Variants in POFUT3 observed in about 807,000 individuals in gnomAD.
The protein encoded by POFUT3 is protein O-fucosyltransferase 3, also known as GDP-fucose protein O-fucosyltransferase 3.
chr8:33,318,734 T>C, the POFUT3 span, among the ~76,000 whole-genome samples: 7,201 of 44,752 alleles, frequency 0.16, 482 homozygotes, highest in East Asian at 0.53. Context: ...ATATATTTTA[T>C]ATATATTTAT....
At chr8:33,335,149 A>ATGTGTG in the POFUT3 span, among the ~76,000 whole-genome samples, 3 of 110,624 alleles carry the variant, frequency 2.7e-5, no homozygotes, top group Admixed American at 8.4e-5. Flanking sequence ...AAAAAGAAAT[A>ATGTGTG]TATGTGTGTG....
the POFUT3 span, among the ~76,000 whole-genome samples, chr8:33,449,884 C>A: frequency 1.3e-5 from 2 of 151,704 alleles, no homozygotes; most frequent in Non-Finnish European, 2.9e-5. Context: ...CTTCAAGGCC[C>A]ACTTCAAATT....
the POFUT3 span, among the ~76,000 whole-genome samples, chr8:33,445,677 T>C: frequency 3.3e-5 from 5 of 152,238 alleles, no homozygotes; most frequent in East Asian, 7.7e-4. Flanking sequence ...AATGTTGAGA[T>C]GGAACTAAAA....
chr8:33,447,757 C>T, the POFUT3 span, among the ~76,000 whole-genome samples: 2 of 152,134 alleles, frequency 1.3e-5, no homozygotes, highest in African/African-American at 4.8e-5. Context: ...CCACATAATC[C>T]TGTGAGTTTC....
chr8:33,359,416 T>C, the POFUT3 span, among the ~76,000 whole-genome samples: 1 of 152,190 alleles, frequency 6.6e-6, no homozygotes, highest in Non-Finnish European at 1.5e-5. Flanking sequence ...ACTAAGATGT[T>C]TGGTGAAGGC....
chr8:33,469,891 G>A, the POFUT3 span, among the ~76,000 whole-genome samples: 1 of 143,362 alleles, frequency 7.0e-6, no homozygotes, highest in Admixed American at 7.4e-5. Flanking sequence ...TGCCTCCCGA[G>A]TTCAGGCGAT....
the POFUT3 span, among the ~76,000 whole-genome samples, chr8:33,316,346 A>C: frequency 6.6e-6 from 1 of 152,074 alleles, no homozygotes; most frequent in African/African-American, 2.4e-5. Flanking sequence ...AAGGGGTAAC[A>C]TCTCCCTGAG....
chr8:33,451,438 A>ATATATGTGCATGTG, the POFUT3 span, among the ~76,000 whole-genome samples: 1 of 152,020 alleles, frequency 6.6e-6, no homozygotes, highest in Non-Finnish European at 1.5e-5. Flanking sequence ...ATACGTGTGT[A>ATATATGTGCATGTG]TATATGTGCA....
chr8:33,459,903 T>C, the POFUT3 span, among the ~76,000 whole-genome samples: 1 of 151,880 alleles, frequency 6.6e-6, no homozygotes, highest in African/African-American at 2.4e-5. Flanking sequence ...CACAAAAAAA[T>C]ACCAAAATGA....
the POFUT3 span, among the ~76,000 whole-genome samples, chr8:33,433,033 A>T: frequency 6.6e-6 from 1 of 152,140 alleles, no homozygotes; most frequent in South Asian, 2.1e-4. Context: ...CAGGAGTTCA[A>T]GACCAGCCTG....
chr8:33,376,086 T>G, the POFUT3 span, among the ~76,000 whole-genome samples: 20 of 151,364 alleles, frequency 1.3e-4, no homozygotes, highest in Admixed American at 5.3e-4. Context: ...AGTTAAATAA[T>G]TAGCTAAATA....
the POFUT3 span, among the ~76,000 whole-genome samples, chr8:33,401,984 C>T: frequency 6.6e-6 from 1 of 152,070 alleles, no homozygotes; most frequent in Non-Finnish European, 1.5e-5. Flanking sequence ...CGAGATCACG[C>T]CACCGCACTC....
the POFUT3 span, among the ~76,000 whole-genome samples, chr8:33,425,899 T>A: frequency 1.4e-3 from 185 of 136,940 alleles, no homozygotes; most frequent in African/African-American, 4.8e-3. Flanking sequence ...CAAAACTCCA[T>A]CTCAAAAAAA....
At chr8:33,323,768 CT>C in the POFUT3 span, among the ~76,000 whole-genome samples, 1 of 152,100 alleles carries the variant, frequency 6.6e-6, no homozygotes, top group African/African-American at 2.4e-5. Flanking sequence ...AGTGAAGTAA[CT>C]TTTTTTACTT....
At chr8:33,326,046 A>G in the POFUT3 span, among the ~76,000 whole-genome samples, 2 of 152,190 alleles carry the variant, frequency 1.3e-5, no homozygotes, top group African/African-American at 4.8e-5. Context: ...TGCTGGAGTC[A>G]GGTCCTCTCT....
At chr8:33,384,904 A>C in the POFUT3 span, among the ~76,000 whole-genome samples, 4 of 152,208 alleles carry the variant, frequency 2.6e-5, no homozygotes, top group Admixed American at 2.0e-4. Context: ...TTGCATGGTG[A>C]GAGAGGTACC....
the POFUT3 span, among the ~76,000 whole-genome samples, chr8:33,347,230 TC>T: frequency 6.6e-6 from 1 of 152,214 alleles, no homozygotes; most frequent in South Asian, 2.1e-4. Flanking sequence ...AGCTTCCTTT[TC>T]TGGAAGTGTT....
At chr8:33,322,432 C>T in the POFUT3 span, among the ~76,000 whole-genome samples, 1 of 152,026 alleles carries the variant, frequency 6.6e-6, no homozygotes, top group Admixed American at 6.6e-5. Context: ...TTGTGACATG[C>T]CATTTCTCAG....
At chr8:33,340,006 T>C in the POFUT3 span, among the ~76,000 whole-genome samples, 1 of 152,188 alleles carries the variant, frequency 6.6e-6, no homozygotes, top group African/African-American at 2.4e-5. Context: ...TTCTAATTTA[T>C]GTTTATTAGT....
Sources: allele counts gnomAD v4.1 joint callset (sites outside exome capture counted in the v4.1 genomes callset), GRCh38; gene constraint gnomAD v4.1.1; transcripts MANE v1.5; gene names NCBI Gene and HGNC (gene_info 2026-07-23, HGNC 2026-07-21).